Variants in PPP6C observed in about 807,000 individuals in gnomAD.
The protein encoded by PPP6C is protein phosphatase 6 catalytic subunit, also known as serine/threonine-protein phosphatase 6 catalytic subunit.
In PPP6C, 11 loss-of-function variants were observed where a neutral mutation model predicts 39.8. The observed-to-expected ratio is 0.28, with a 90% CI of 0.17 to 0.46. The LOEUF is 0.46. Among genes scored for constraint, PPP6C ranks in the 20% least tolerant of loss-of-function variants. The pLI is 1.00. For synonymous variants in PPP6C, 129 were observed against 130.3 expected (o/e 0.99, Z 0.07); for missense variants, 211 against 373.9 (o/e 0.56, Z 3.59).
chr9:125,153,765 A>T, intron 5 of PPP6C, 23 bp from the exon 6 acceptor site: 1 of 1,603,708 alleles, frequency 6.2e-7, no homozygotes, highest in African/African-American at 1.3e-5. Context: ...GATAACAAAG[A>T]GTTGAACATA....
chr9:125,173,354 C>T (rs1829216430), intron 1 of PPP6C, among the ~76,000 whole-genome samples: 1 of 143,464 alleles, frequency 7.0e-6, no homozygotes, highest in Admixed American at 7.3e-5. Flanking sequence ...TGCAGTGAGC[C>T]GAGATTGCAC....
chr9:125,148,014 A>G lies in PPP6C; in HGVS notation c.*1659T>C. 2 of 186,334 alleles carry G rather than the reference A, an allele frequency of 1.1e-5. No homozygotes were observed. The highest frequency in any genetic ancestry group is 2.3e-5 in the Non-Finnish European group (2 of 88,760). 11.5% of individuals were successfully genotyped at this position (186,334 alleles called of 1,614,324 possible). ...TTCAAGTGTGTGCAGCAAATGTCTT[A>G]GCCACCTCTTTCATATAGCTATATA... is the stretch of plus-strand genomic sequence containing the variant. On this transcript the variant is annotated 3_prime_UTR_variant, in exon 7 of 7. Transcript: ENST00000373547.
chr9:125,169,116 T>A (rs1264902433), intron 2 of PPP6C, among the ~76,000 whole-genome samples: 1 of 152,196 alleles, frequency 6.6e-6, no homozygotes, highest in African/African-American at 2.4e-5. Flanking sequence ...TTGGTGGTGG[T>A]CTTAAAATAA....
chr9:125,187,512 G>A (rs1048928094), intron 1 of PPP6C, among the ~76,000 whole-genome samples: 1 of 151,790 alleles, frequency 6.6e-6, no homozygotes. Flanking sequence ...TCAAACTCCT[G>A]ATCTCAAATG....
intron 1 of PPP6C, among the ~76,000 whole-genome samples, chr9:125,184,395 A>C (rs570764676): frequency 6.6e-6 from 1 of 151,822 alleles, no homozygotes; most frequent in South Asian, 2.1e-4. Context: ...TCAAAAATAA[A>C]AATAATAATT....
At chr9:125,187,516 T>A (rs1362032596) in intron 1 of PPP6C, among the ~76,000 whole-genome samples, 1 of 151,848 alleles carries the variant, frequency 6.6e-6, no homozygotes, top group Non-Finnish European at 1.5e-5. Context: ...ACTCCTGATC[T>A]CAAATGATCT....
intron 2 of PPP6C, among the ~76,000 whole-genome samples, chr9:125,168,901 C>T (rs150325869): frequency 0.023 from 3,533 of 152,250 alleles, 146 homozygotes; most frequent in African/African-American, 0.081. Flanking sequence ...GCTGGGATTA[C>T]AGGCACGCAC....
At chr9:125,151,160 G>A (rs1835930503) in intron 6 of PPP6C, 1 of 1,452,860 alleles carries the variant, frequency 6.9e-7, no homozygotes, top group Non-Finnish European at 9.7e-7. Flanking sequence ...TCTGATGCTG[G>A]TGGAGCTAAG....
At chr9:125,173,702 CT>C (rs1397012305) in intron 1 of PPP6C, among the ~76,000 whole-genome samples, 3 of 152,064 alleles carry the variant, frequency 2.0e-5, no homozygotes, top group Non-Finnish European at 4.4e-5. Flanking sequence ...ACTGCAATCT[CT>C]GCCTCCCAGG....
rs1347681916 is a variant in PPP6C at position 125,189,800 on chromosome 9, C to T, written c.-82G>A. ...GCAGCGGCGGAGGCCGAAGCCGGAA[C>T]TTTCCCTGCGTCACGTCCGGCCCGT... On this transcript the variant is annotated 5_prime_UTR_variant, in exon 1 of 7. Coordinates refer to ENST00000373547, the MANE Select transcript of PPP6C (RefSeq NM_002721.5). 5 of 1,475,840 alleles carry T rather than the reference C, an allele frequency of 3.4e-6. No individual in the cohort carries two copies. Among genetic ancestry groups the T allele is most frequent in the East Asian group, 5.0e-5 (2 of 40,214 alleles). 91.4% of individuals were successfully genotyped at this position (1,475,840 alleles called of 1,614,324 possible).
At chr9:125,153,855 C>A in intron 5 of PPP6C, 51 bp downstream of exon 5, 1 of 1,531,980 alleles carries the variant, frequency 6.5e-7, no homozygotes, top group Non-Finnish European at 9.0e-7. Context: ...TAAAAATATG[C>A]AATGTGTTAT....
intron 1 of PPP6C, among the ~76,000 whole-genome samples, chr9:125,180,102 A>C (rs1366126443): frequency 1.3e-5 from 2 of 152,118 alleles, no homozygotes; most frequent in African/African-American, 2.4e-5. Context: ...TCATCACCCC[A>C]AAAAGAAACC....
At chr9:125,188,293 G>A (rs1033881477) in intron 1 of PPP6C, among the ~76,000 whole-genome samples, 8 of 152,148 alleles carry the variant, frequency 5.3e-5, no homozygotes, top group African/African-American at 9.7e-5. Context: ...ACTGAGGCAG[G>A]AGAATGGCGT....
At chr9:125,188,975 G>C (rs1047981687) in intron 1 of PPP6C, 14 of 1,523,820 alleles carry the variant, frequency 9.2e-6, no homozygotes, top group Admixed American at 4.0e-5. Context: ...TAAGGAGAAA[G>C]TATTTGTATT....
intron 1 of PPP6C, among the ~76,000 whole-genome samples, chr9:125,185,241 T>G (rs1829501025): frequency 6.6e-6 from 1 of 151,514 alleles, no homozygotes; most frequent in African/African-American, 2.4e-5. Flanking sequence ...TACTTTCACA[T>G]ATGTCATTTT....
At chr9:125,186,942 T>C (rs1041741483) in intron 1 of PPP6C, among the ~76,000 whole-genome samples, 259 of 131,420 alleles carry the variant, frequency 2.0e-3, no homozygotes, top group Non-Finnish European at 3.5e-3. Context: ...TTCTTTCTTT[T>C]TTTTTTTTTT....
intron 4 of PPP6C, 74 bp from the exon 5 acceptor site, chr9:125,154,059 A>C: frequency 8.9e-7 from 1 of 1,121,916 alleles, no homozygotes; most frequent in Non-Finnish European, 1.3e-6. Flanking sequence ...ATACTAGAGC[A>C]GCCTTCAGTA....
intron 1 of PPP6C, among the ~76,000 whole-genome samples, chr9:125,181,578 A>G (rs1183265683): frequency 6.6e-6 from 1 of 152,032 alleles, no homozygotes; most frequent in African/African-American, 2.4e-5. Flanking sequence ...GAGTGAGAAC[A>G]TGCGGTGTTT....
intron 1 of PPP6C, among the ~76,000 whole-genome samples, chr9:125,179,873 C>T (rs921176556): frequency 8.5e-5 from 13 of 152,218 alleles, no homozygotes; most frequent in Admixed American, 7.2e-4. Flanking sequence ...CCAGGCTGGT[C>T]TCGAGCTCCT....
Sources: allele counts gnomAD v4.1 joint callset (sites outside exome capture counted in the v4.1 genomes callset), GRCh38; gene constraint gnomAD v4.1.1; transcripts MANE v1.5; gene names NCBI Gene and HGNC (gene_info 2026-07-23, HGNC 2026-07-21).